The following STK32B variants were observed in gnomAD, a reference collection of about 807,000 sequenced individuals.
STK32B encodes the protein serine/threonine kinase 32B.
A neutral mutation model predicts 52.6 loss-of-function variants in STK32B; 43 were observed. The observed-to-expected ratio is 0.82, with a 90% CI of 0.64 to 1.05. The LOEUF is 1.05. Ranked by LOEUF, STK32B falls within the 50% of genes least tolerant of loss-of-function variation. STK32B has a pLI of 0.00. For missense variants in STK32B, 621 were observed against 534.6 expected, an observed-to-expected ratio of 1.16 and a Z score of -1.59; for synonymous variants, 238 against 204.3, an observed-to-expected ratio of 1.17 and a Z score of -1.41.
At chr4:5,044,744 C>T in the STK32B span, among the ~76,000 whole-genome samples, 1 of 152,032 alleles carries the variant, frequency 6.6e-6, no homozygotes, top group Non-Finnish European at 1.5e-5. Context: ...CCTGTCTCTA[C>T]AAACTTAAAA....
intron 5 of STK32B, among the ~76,000 whole-genome samples, chr4:5,404,952 C>T (rs1737562204): frequency 1.3e-5 from 2 of 148,568 alleles, no homozygotes; most frequent in South Asian, 2.2e-4. Context: ...CTGCAAGCTC[C>T]GTCTCCCAGG....
chr4:5,157,689 G>A lies in STK32B; in HGVS notation c.109-10610G>A, dbSNP rs79616516. 6.8e-3 allele frequency among the ~76,000 whole-genome samples: 1,038 copies of A among 152,324 alleles called. 14 individuals carry two copies. Among genetic ancestry groups the A allele is most frequent in the African/African-American group, 0.023 (962 of 41,566 alleles). The stretch of plus-strand genomic sequence containing the variant: ...GCCCAGCACTGTGTCTGCCACAAGC[G>A]AGGACTTAGAATGTGTGGTTGCTCT... On this transcript the variant is annotated intron_variant, in intron 2 of 11. Transcript: ENST00000282908.
intron 3 of STK32B, among the ~76,000 whole-genome samples, chr4:5,315,111 TTCTCAAG>T (rs1730575846): frequency 1.3e-5 from 2 of 152,220 alleles, no homozygotes; most frequent in South Asian, 4.1e-4. Flanking sequence ...ATATAGTGAG[TTCTCAAG>T]TCTCAACAGT....
intron 5 of STK32B, among the ~76,000 whole-genome samples, chr4:5,407,662 G>A (rs1486211406): frequency 6.6e-6 from 1 of 151,994 alleles, no homozygotes; most frequent in Non-Finnish European, 1.5e-5. Context: ...GGGGGTGGGG[G>A]AGAAGTGCTA....
intron 1 of STK32B, among the ~76,000 whole-genome samples, chr4:5,088,915 C>T (rs1316195306): frequency 6.6e-6 from 1 of 151,202 alleles, no homozygotes; most frequent in African/African-American, 2.4e-5. Context: ...CTAAATCCAA[C>T]ACAAGCAGAA....
At chr4:5,193,148 G>A (rs923083528) in intron 3 of STK32B, among the ~76,000 whole-genome samples, 5 of 152,218 alleles carry the variant, frequency 3.3e-5, no homozygotes, top group Admixed American at 1.3e-4. Flanking sequence ...TGATAGCTCC[G>A]GGGTGGGCCA....
chr4:5,153,528 A>T (rs951732090), intron 2 of STK32B, among the ~76,000 whole-genome samples: 5 of 151,898 alleles, frequency 3.3e-5, no homozygotes, highest in Non-Finnish European at 7.4e-5. Context: ...AGCTCTAAAG[A>T]AAGTAGGGCC....
chr4:5,295,833 G>C (rs571300939), intron 3 of STK32B, among the ~76,000 whole-genome samples: 1 of 152,064 alleles, frequency 6.6e-6, no homozygotes, highest in African/African-American at 2.4e-5. Context: ...GTTTGCTCTT[G>C]GTTCTCTAGT....
At chr4:5,186,272 C>T (rs16836790) in intron 3 of STK32B, among the ~76,000 whole-genome samples, 7,975 of 152,232 alleles carry the variant, frequency 0.052, 390 homozygotes, top group Admixed American at 0.16. Context: ...AGCTCTGTCA[C>T]GGTTATCTGC....
intron 11 of STK32B, 80 bp from the exon 12 acceptor site, chr4:5,498,865 C>G: frequency 6.7e-7 from 1 of 1,489,578 alleles, no homozygotes; most frequent in Non-Finnish European, 9.0e-7. Flanking sequence ...CACAGTTGCC[C>G]TGCCTGCCCA....
intron 3 of STK32B, among the ~76,000 whole-genome samples, chr4:5,259,009 C>A (rs1411609532): frequency 6.6e-6 from 1 of 152,144 alleles, no homozygotes; most frequent in African/African-American, 2.4e-5. Context: ...TGCCTTTGAG[C>A]CTGTTGTACC....
intron 3 of STK32B, among the ~76,000 whole-genome samples, chr4:5,323,025 A>T (rs892874333): frequency 6.6e-6 from 1 of 152,198 alleles, no homozygotes; most frequent in South Asian, 2.1e-4. Context: ...CCATTGGGCA[A>T]TTGAGGGTGA....
chr4:5,485,777 C>A (rs896297039), intron 11 of STK32B, among the ~76,000 whole-genome samples: 4 of 152,152 alleles, frequency 2.6e-5, no homozygotes, highest in Non-Finnish European at 5.9e-5. Flanking sequence ...TGTGGATGTA[C>A]TTTCTGTTTG....
At chr4:5,373,964 A>G (rs1394988578) in intron 4 of STK32B, among the ~76,000 whole-genome samples, 1 of 152,258 alleles carries the variant, frequency 6.6e-6, no homozygotes, top group Non-Finnish European at 1.5e-5. Flanking sequence ...AATTGAAAAT[A>G]GGATCTTTGC....
Position 5,483,517 on chromosome 4 carries a change from G to T in STK32B, c.1107-15428G>T, listed in dbSNP as rs202135415. Among the ~76,000 whole-genome samples the T allele has an allele frequency of 8.5e-5, 13 of 152,074 alleles. No individual in the cohort carries two copies. The East Asian group carries it at 1.9e-3, about 23-fold the overall frequency. On this transcript the variant is annotated intron_variant, in intron 11 of 11. Coordinates refer to ENST00000282908, the MANE Select transcript of STK32B (RefSeq NM_018401.3). ...GTCTTGCTAGCAGTCTATCAATTTTGTTGACCTTTTCCAAAAACCAGCTCC... is the reference window on the plus strand; with the variant it reads ...GTCTTGCTAGCAGTCTATCAATTTTTTTGACCTTTTCCAAAAACCAGCTCC...
chr4:5,102,147 A>G (rs567796330), intron 1 of STK32B, among the ~76,000 whole-genome samples: 2 of 152,290 alleles, frequency 1.3e-5, no homozygotes, highest in South Asian at 4.1e-4. Flanking sequence ...TAGCCCTCTG[A>G]CCTCGGGCAA....
intron 2 of STK32B, among the ~76,000 whole-genome samples, chr4:5,162,249 C>G (rs62290493): frequency 1.2e-4 from 18 of 152,126 alleles, no homozygotes; most frequent in African/African-American, 4.1e-4. Flanking sequence ...GTGAAGACAC[C>G]GAACGAGGAC....
intron 1 of STK32B, among the ~76,000 whole-genome samples, chr4:5,129,096 G>A (rs943834472): frequency 6.6e-6 from 1 of 152,176 alleles, no homozygotes; most frequent in Non-Finnish European, 1.5e-5. Context: ...TAAGTTATGG[G>A]GAAGGCAAGA....
chr4:5,315,332 A>C (rs576614649), intron 3 of STK32B, among the ~76,000 whole-genome samples: 6 of 152,324 alleles, frequency 3.9e-5, no homozygotes, highest in Admixed American at 2.6e-4. Context: ...ACATCAAGTG[A>C]AACAAACAGA....
Sources: gnomAD v4.1 joint callset for allele counts (sites outside exome capture counted in the v4.1 genomes callset) on GRCh38, gnomAD v4.1.1 for gene constraint, MANE v1.5 for transcripts, NCBI Gene and HGNC (gene_info 2026-07-23, HGNC 2026-07-21) for gene names.